CSMD1: variants seen among roughly 807,000 people sequenced by gnomAD.
CSMD1 encodes CUB and Sushi multiple domains 1.
A neutral mutation model predicts 417.5 loss-of-function variants in CSMD1; 213 were observed. The observed-to-expected ratio is 0.51, with a 90% CI of 0.46 to 0.57. The LOEUF (loss-of-function observed/expected upper bound fraction) is 0.57. CSMD1 is among the 20% of genes least tolerant of loss of function. CSMD1 has a pLI of 0.00. For synonymous variants in CSMD1, 2,862 were observed against 1,736.8 expected (o/e 1.65, Z -16.11); for missense variants, 6,923 against 4,529.7 (o/e 1.53, Z -15.17).
At chr8:4,013,910 C>G (rs750216575) in intron 4 of CSMD1, among the ~76,000 whole-genome samples, 1 of 152,042 alleles carries the variant, frequency 6.6e-6, no homozygotes, top group Non-Finnish European at 1.5e-5. Flanking sequence ...GCTATCTGGC[C>G]TTTGACAAAA....
intron 2 of CSMD1, among the ~76,000 whole-genome samples, chr8:4,582,340 G>A (rs1799462910): frequency 1.3e-5 from 2 of 152,122 alleles, no homozygotes; most frequent in African/African-American, 4.8e-5. Context: ...TTAGAAAAGC[G>A]GGATAAAATA....
chr8:3,577,149 T>C (rs116091933), intron 9 of CSMD1, among the ~76,000 whole-genome samples: 3 of 152,246 alleles, frequency 2.0e-5, no homozygotes, highest in Non-Finnish European at 2.9e-5. Flanking sequence ...GCCCCGCCCA[T>C]GGCTTTGTGT....
At chr8:4,558,592 A>C (rs911457915) in intron 2 of CSMD1, among the ~76,000 whole-genome samples, 11 of 152,224 alleles carry the variant, frequency 7.2e-5, no homozygotes, top group African/African-American at 2.6e-4. Flanking sequence ...CTTTGGCCAG[A>C]CACATGGCTC....
At chr8:3,798,743 T>C (rs1044022324) in intron 5 of CSMD1, among the ~76,000 whole-genome samples, 6 of 152,098 alleles carry the variant, frequency 3.9e-5, no homozygotes, top group Non-Finnish European at 8.8e-5. Context: ...AATGTCACTA[T>C]AGATCAGTAT....
At chr8:3,185,843 A>G (rs1280630910) in intron 36 of CSMD1, among the ~76,000 whole-genome samples, 1 of 152,212 alleles carries the variant, frequency 6.6e-6, no homozygotes, top group Non-Finnish European at 1.5e-5. Context: ...AATCTCTACA[A>G]ACTAAAAGAA....
chr8:3,957,396 G>A (rs1430246758), intron 5 of CSMD1, among the ~76,000 whole-genome samples: 1 of 152,160 alleles, frequency 6.6e-6, no homozygotes, highest in Non-Finnish European at 1.5e-5. Context: ...ATATATGTCA[G>A]TCTGGGAGCA....
At chr8:4,078,664 G>T in intron 3 of CSMD1, among the ~76,000 whole-genome samples, 1 of 149,878 alleles carries the variant, frequency 6.7e-6, no homozygotes, top group Non-Finnish European at 1.5e-5. Flanking sequence ...ATCCTTTTGA[G>T]AAAAAACTTG....
intron 3 of CSMD1, among the ~76,000 whole-genome samples, chr8:4,247,593 C>G (rs901911624): frequency 1.3e-5 from 2 of 152,070 alleles, no homozygotes; most frequent in African/African-American, 4.8e-5. Flanking sequence ...TTAAATGGCC[C>G]TGCATTACAT....
intron 11 of CSMD1, among the ~76,000 whole-genome samples, chr8:3,481,593 A>C (rs538664097): frequency 6.6e-6 from 1 of 152,332 alleles, no homozygotes; most frequent in East Asian, 1.9e-4. Context: ...AATGTGATTA[A>C]GTTAAGGATC....
chr8:4,981,015 G>C (rs561226998), intron 1 of CSMD1, among the ~76,000 whole-genome samples: 1 of 152,160 alleles, frequency 6.6e-6, no homozygotes, highest in Non-Finnish European at 1.5e-5. Flanking sequence ...ATTTCACTTA[G>C]AGAAGGTTGA....
intron 12 of CSMD1, among the ~76,000 whole-genome samples, chr8:3,415,845 C>G (rs553519360): frequency 2.0e-5 from 3 of 152,232 alleles, no homozygotes; most frequent in African/African-American, 7.2e-5. Flanking sequence ...TAAAATGGAT[C>G]TATGTTGTTT....
chr8:3,902,675 G>C (rs1444693386), intron 5 of CSMD1, among the ~76,000 whole-genome samples: 1 of 152,012 alleles, frequency 6.6e-6, no homozygotes, highest in Admixed American at 6.6e-5. Context: ...TCTCCTGCTG[G>C]GCATCCTGGT....
chr8:4,190,583 C>T (rs1202596211), intron 3 of CSMD1, among the ~76,000 whole-genome samples: 1 of 149,502 alleles, frequency 6.7e-6, no homozygotes, highest in Non-Finnish European at 1.5e-5. Context: ...ATGATCTATT[C>T]CCATGTTTAT....
chr8:4,520,285 A>G (rs963614176), intron 2 of CSMD1, among the ~76,000 whole-genome samples: 8 of 152,168 alleles, frequency 5.3e-5, no homozygotes, highest in African/African-American at 1.9e-4. Context: ...AATACTCCCC[A>G]AACTTCAGTT....
chr8:3,883,922 A>G (rs1806380955), intron 5 of CSMD1, among the ~76,000 whole-genome samples: 1 of 152,300 alleles, frequency 6.6e-6, no homozygotes. Context: ...GTTAAAATAT[A>G]TGAATATAGG....
chr8:4,027,857 T>C (rs1797144070), intron 4 of CSMD1, among the ~76,000 whole-genome samples: 1 of 152,152 alleles, frequency 6.6e-6, no homozygotes, highest in Non-Finnish European at 1.5e-5. Flanking sequence ...TATTAAAAAT[T>C]AAATAAATAA....
intron 3 of CSMD1, among the ~76,000 whole-genome samples, chr8:4,037,691 G>A (rs913460341): frequency 6.6e-6 from 1 of 152,134 alleles, no homozygotes; most frequent in Non-Finnish European, 1.5e-5. Context: ...GGGAAGGTGT[G>A]AAGATTGAAT....
intron 3 of CSMD1, among the ~76,000 whole-genome samples, chr8:4,276,660 TC>T (rs1796503912): frequency 6.6e-6 from 1 of 152,214 alleles, no homozygotes; most frequent in South Asian, 2.1e-4. Flanking sequence ...AGTCTTATTT[TC>T]CTTCTGGTCA....
chr8:4,013,783 C>T (rs569666379), intron 4 of CSMD1, among the ~76,000 whole-genome samples: 24 of 152,268 alleles, frequency 1.6e-4, no homozygotes, highest in African/African-American at 4.8e-4. Flanking sequence ...ATACATTAGG[C>T]TTTACTGAAA....
Sources: gnomAD v4.1 joint callset for allele counts (sites outside exome capture counted in the v4.1 genomes callset) on GRCh38, gnomAD v4.1.1 for gene constraint, MANE v1.5 for transcripts, NCBI Gene and HGNC (gene_info 2026-07-23, HGNC 2026-07-21) for gene names.